The following AKAP12 variants were observed in gnomAD, a reference collection of about 807,000 sequenced individuals.
AKAP12 encodes the protein A-kinase anchor protein 12.
In AKAP12, 32 loss-of-function variants were observed where a neutral mutation model predicts 79.9. That is an observed-to-expected ratio of 0.40 (90% CI 0.30 to 0.54). The LOEUF (loss-of-function observed/expected upper bound fraction) is 0.54, where lower values mean the gene tolerates loss of function less well. Among genes scored for constraint, AKAP12 ranks in the 20% least tolerant of loss-of-function variants. The probability of loss-of-function intolerance (pLI) is 0.48; values close to 1 mark genes in which losing one functional copy is unlikely to be tolerated. For missense variants in AKAP12, 2,074 were observed against 2,177.0 expected, an observed-to-expected ratio of 0.95 and a Z score of 0.94; for synonymous variants, 808 against 857.0, an observed-to-expected ratio of 0.94 and a Z score of 1.00.
intron 3 of AKAP12, among the ~76,000 whole-genome samples, chr6:151,308,019 G>A (rs1562731323): frequency 6.6e-6 from 1 of 151,982 alleles, no homozygotes; most frequent in Middle Eastern, 3.4e-3. Flanking sequence ...GAGTAGCTGG[G>A]ACGTGCCACC....
chr6:151,333,376 A>G (rs1777728227), intron 3 of AKAP12, among the ~76,000 whole-genome samples: 1 of 152,100 alleles, frequency 6.6e-6, no homozygotes, highest in Non-Finnish European at 1.5e-5. Flanking sequence ...CTATTTTATA[A>G]TGCATTTAAC....
At chr6:151,260,667 C>T (rs537030675) in intron 2 of AKAP12, among the ~76,000 whole-genome samples, 13 of 152,272 alleles carry the variant, frequency 8.5e-5, no homozygotes, top group South Asian at 2.1e-4. Context: ...GGATGCAGAT[C>T]GTACGTCTGA....
chr6:151,298,800 A>AC (rs1035886490), intron 2 of AKAP12: 2 of 151,960 alleles, frequency 1.3e-5, no homozygotes, highest in African/African-American at 4.8e-5. Context: ...CATCTCAAAA[A>AC]AAAAAAACAA....
chr6:151,287,998 C>T (rs533915188), intron 2 of AKAP12, among the ~76,000 whole-genome samples: 33 of 149,880 alleles, frequency 2.2e-4, no homozygotes, highest in Non-Finnish European at 3.7e-4. Context: ...CTCACTCATA[C>T]GTAGGAGTTG....
chr6:151,254,026 C>T (rs1381682228), intron 2 of AKAP12, among the ~76,000 whole-genome samples: 1 of 151,996 alleles, frequency 6.6e-6, no homozygotes, highest in Non-Finnish European at 1.5e-5. Context: ...ACGTATTTAT[C>T]CAATACTTAG....
At chr6:151,343,010 G>C (rs1777992800) in intron 3 of AKAP12, among the ~76,000 whole-genome samples, 1 of 152,196 alleles carries the variant, frequency 6.6e-6, no homozygotes, top group South Asian at 2.1e-4. Flanking sequence ...TAAACCGCCT[G>C]CCTCAGCCTC....
intron 2 of AKAP12, among the ~76,000 whole-genome samples, chr6:151,244,171 A>G (rs932056647): frequency 6.6e-6 from 1 of 152,166 alleles, no homozygotes; most frequent in Non-Finnish European, 1.5e-5. Context: ...GATGTACTCG[A>G]ATAGAAGAGT....
rs1196915955 is a variant in AKAP12 at position 151,274,374 on chromosome 6, C to T, written c.163-31373C>T. Among the ~76,000 whole-genome samples the T allele has an allele frequency of 3.9e-5, 6 of 152,066 alleles. No homozygotes were observed. The South Asian group carries it at 6.2e-4, about 16-fold the overall frequency. ...GACTACAGGCGTGAGCCACTGCACCCGGCCTACCTTCAGTTCTTGAAGATC... is the reference window on the plus strand; with the variant it reads ...GACTACAGGCGTGAGCCACTGCACCTGGCCTACCTTCAGTTCTTGAAGATC... On this transcript the variant is annotated intron_variant, in intron 2 of 4. Transcript: ENST00000402676.
intron 2 of AKAP12, among the ~76,000 whole-genome samples, chr6:151,265,798 C>T (rs1000502302): frequency 1.3e-5 from 2 of 152,198 alleles, no homozygotes; most frequent in African/African-American, 4.8e-5. Flanking sequence ...ATTATAATAA[C>T]CTTCCTGGGC....
chr6:151,265,214 C>CTT lies in AKAP12; in HGVS notation c.162+24503_162+24504dup, dbSNP rs11308850. ...AAATTTATACATGTAAATCAAGCCT[C>CTT]TTTTTTTTTTTTTTGCAATAGCTTT... On this transcript the variant is annotated intron_variant, in intron 2 of 4. Coordinates refer to ENST00000402676, the MANE Select transcript of AKAP12 (RefSeq NM_005100.4). Among the ~76,000 whole-genome samples the CTT allele has an allele frequency of 9.5e-4, 135 of 142,432 alleles. 1 individual carries two copies. In the East Asian group the frequency reaches 0.016, roughly 17 times the overall value. 93.4% of individuals were successfully genotyped at this position (142,432 alleles called of 152,430 possible). A position where few individuals can be genotyped will look rare whatever the true frequency, so the allele number is the denominator to read the frequency against.
At chr6:151,354,594 G>C (rs938160659) in intron 4 of AKAP12, among the ~76,000 whole-genome samples, 1 of 151,650 alleles carries the variant, frequency 6.6e-6, no homozygotes. Context: ...AGGAGGTCTC[G>C]ATCTCCTGAC....
chr6:151,250,031 G>A (rs1013346699), intron 2 of AKAP12, among the ~76,000 whole-genome samples: 2 of 152,142 alleles, frequency 1.3e-5, no homozygotes, highest in Non-Finnish European at 2.9e-5. Flanking sequence ...GATCACTTGA[G>A]CCTAGGAGTT....
At position 151,350,913 on chromosome 6, in the gene AKAP12, C is replaced by T; in HGVS notation, c.2522C>T (p.Ser841Phe). Residue 841 changes from serine to phenylalanine, a missense_variant, in exon 4 of 5, where the codon TCT becomes TTT. Transcript: ENST00000402676. This position sits in a 1 kb window ranked among gnomAD's most constrained non-coding sequence, Gnocchi z 4.8. ...AGPTGANEDDSDVPAVVPLSE... is the reference protein window; with the variant it reads ...AGPTGANEDDFDVPAVVPLSE... ...CCAACAGGGGCCAACGAAGATGACT[C>T]TGATGTCCCGGCCGTGGTCCCTCTG... 6.2e-7 allele frequency: 1 copy of T among 1,614,100 alleles called. No homozygotes were observed. The highest frequency in any genetic ancestry group is 1.3e-5 in the African/African-American group (1 of 75,012).
In AKAP12 at chr6:151,353,496, A is replaced by G. The variant is rs762124640; in HGVS notation, c.5105A>G (p.Asp1702Gly). 5 of 1,614,212 alleles carry G rather than the reference A, an allele frequency of 3.1e-6. No individual in the cohort carries two copies. The South Asian group carries it at 4.4e-5, about 14-fold the overall frequency. ...LVEPKEDEKGDDVDDPENQNS... is the reference protein window; with the variant it reads ...LVEPKEDEKGGDVDDPENQNS... ...GAACCGAAAGAAGATGAAAAAGGTG[A>G]TGATGTTGATGACCCTGAAAACCAG... Residue 1702 changes from aspartate (D) to glycine (G), a missense_variant, in exon 4 of 5, where the codon GAT becomes GGT. Physicochemically the swap from Asp to Gly is moderately conservative, Grantham distance 94. Transcript: ENST00000402676.
At chr6:151,255,592 G>T (rs546055527) in intron 2 of AKAP12, among the ~76,000 whole-genome samples, 28 of 152,174 alleles carry the variant, frequency 1.8e-4, no homozygotes, top group African/African-American at 6.7e-4. Context: ...AAGCCCAGGA[G>T]TTAAACACCA....
At chr6:151,313,893 T>C (rs1024179689) in intron 3 of AKAP12, among the ~76,000 whole-genome samples, 1 of 152,180 alleles carries the variant, frequency 6.6e-6, no homozygotes, top group East Asian at 1.9e-4. Context: ...CTAATATCAA[T>C]ATGACTAGTT....
chr6:151,336,940 A>G (rs555762245), intron 3 of AKAP12, among the ~76,000 whole-genome samples: 9 of 152,292 alleles, frequency 5.9e-5, no homozygotes, highest in Non-Finnish European at 1.2e-4. Flanking sequence ...TAAAATTTAA[A>G]CACCAGTCTG....
rs565268957 is a variant in AKAP12 at position 151,331,884 on chromosome 6, CA to C, written c.320-16810del. On this transcript the variant is annotated intron_variant, in intron 3 of 4. Transcript: ENST00000402676. ...TGGACGACAGAGCGAGACTCCGTCT[CA>C]AAAAAAAAAAAAAAAAGTTTTGTTT... 2.7e-3 allele frequency among the ~76,000 whole-genome samples: 253 copies of C among 94,110 alleles called. 4 individuals are homozygous for C. The East Asian group carries it at 0.035, about 13-fold the overall frequency. The allele number at this position is 94,110 out of a possible 152,430, so 61.7% of individuals were successfully genotyped here.
At chr6:151,267,261 T>C (rs984716727) in intron 2 of AKAP12, among the ~76,000 whole-genome samples, 2 of 152,172 alleles carry the variant, frequency 1.3e-5, no homozygotes, top group Non-Finnish European at 1.5e-5. Flanking sequence ...TAATCTCAAC[T>C]GTGAGAAGGT....
Sources: allele counts gnomAD v4.1 joint callset (sites outside exome capture counted in the v4.1 genomes callset), GRCh38; gene constraint gnomAD v4.1.1; non-coding constraint Gnocchi (gnomAD v3.1); transcripts MANE v1.5; gene names NCBI Gene and HGNC (gene_info 2026-07-23, HGNC 2026-07-21).